PARVB: variants seen among roughly 807,000 people sequenced by gnomAD.
PARVB encodes the protein beta-parvin.
Under a neutral mutation model 47.0 loss-of-function variants are expected in PARVB, and 46 were observed. The observed-to-expected ratio is 0.98, with a 90% confidence interval of 0.77 to 1.25. PARVB has a LOEUF of 1.25. Among genes scored for constraint, PARVB ranks in the 50% most tolerant of loss-of-function variants. The probability of loss-of-function intolerance (pLI) is 0.00; values close to 1 mark genes in which losing one functional copy is unlikely to be tolerated. For synonymous variants in PARVB, 196 were observed against 196.3 expected (o/e 1.00, Z 0.01); for missense variants, 473 against 471.6 (o/e 1.00, Z -0.03).
upstream of PARVB, among the ~76,000 whole-genome samples, chr22:44,023,839 G>A (rs1160749367): frequency 1.3e-5 from 2 of 152,184 alleles, no homozygotes. Flanking sequence ...CCTGTGCCCC[G>A]CATTGCCCTC....
intron 10 of PARVB, among the ~76,000 whole-genome samples, chr22:44,154,029 TG>T (rs1343546870): frequency 6.6e-6 from 1 of 152,180 alleles, no homozygotes; most frequent in East Asian, 1.9e-4. Context: ...ATTTGCTGTG[TG>T]GGGGCCCCTG....
chr22:44,035,368 CTTTTTTTTT>C (rs57745730), intron 1 of PARVB, among the ~76,000 whole-genome samples: 3 of 118,040 alleles, frequency 2.5e-5, no homozygotes, highest in Middle Eastern at 4.8e-3. Context: ...TTTCTTTTTC[CTTTTTTTTT>C]TTTTTTTTTT....
Position 44,078,544 on chromosome 22 carries a change from C to T in PARVB, c.113-15384C>T, listed in dbSNP as rs531320594. 1.2e-4 allele frequency among the ~76,000 whole-genome samples: 19 copies of T among 152,260 alleles called. 1 individual carries two copies. The South Asian group carries it at 2.9e-3, about 23-fold the overall frequency. The stretch of plus-strand genomic sequence containing the variant: ...CTTGTAAGGACCCTGTCAATCACAT[C>T]GGGCCCCCTGAATAACCAGGCTAAT... On this transcript the variant is annotated intron_variant, in intron 1 of 12. Transcript: ENST00000338758.
At chr22:44,093,855 G>A (rs1032127782) in intron 1 of PARVB, 73 bp from the exon 2 acceptor site, 34 of 856,312 alleles carry the variant, frequency 4.0e-5, no homozygotes, top group African/African-American at 2.7e-4. Flanking sequence ...TTCTCTCTGC[G>A]TCCACAGCCA....
Position 44,170,133 on chromosome 22 carries a change from G to A in PARVB, c.*1455G>A, listed in dbSNP as rs907165288. The A allele has an allele frequency of 1.4e-5, 2 of 139,144 alleles. No individual in the cohort carries two copies. Among genetic ancestry groups the A allele is most frequent in the Admixed American group, 6.8e-5 (1 of 14,654 alleles). The allele number at this position is 139,144 out of a possible 1,614,324, so 8.6% of individuals were successfully genotyped here. A position where few individuals can be genotyped will look rare whatever the true frequency, so the allele number is the denominator to read the frequency against. Reference sequence around the variant, plus strand: ...CTCCCACCTCAGCCTCCCAAGTAGCGGGGACCACAAGTGCACACCACTAGG... The same window carrying A: ...CTCCCACCTCAGCCTCCCAAGTAGCAGGGACCACAAGTGCACACCACTAGG... On this transcript the variant is annotated 3_prime_UTR_variant, in exon 13 of 13. Transcript: ENST00000338758.
chr22:44,161,330 C>T (rs946650062), intron 11 of PARVB, among the ~76,000 whole-genome samples: 2 of 120,004 alleles, frequency 1.7e-5, no homozygotes, highest in Non-Finnish European at 3.4e-5. Context: ...TTTTTGGAGG[C>T]GGGGAAGGAA....
At chr22:44,041,747 G>A (rs545940760) in intron 1 of PARVB, among the ~76,000 whole-genome samples, 4 of 152,134 alleles carry the variant, frequency 2.6e-5, no homozygotes, top group East Asian at 1.9e-4. Context: ...ATAGCCAGGC[G>A]TGGTGGCCCA....
At chr22:44,011,675 G>A (rs543630499) in intron 2 of PARVB, among the ~76,000 whole-genome samples, 5 of 152,136 alleles carry the variant, frequency 3.3e-5, no homozygotes, top group African/African-American at 1.2e-4. Context: ...TTGCATCAGA[G>A]TCTGTCTGGC....
At chr22:44,017,241 A>G (rs2050593261) in intron 2 of PARVB, among the ~76,000 whole-genome samples, 1 of 152,328 alleles carries the variant, frequency 6.6e-6, no homozygotes, top group Non-Finnish European at 1.5e-5. Context: ...ATAGTGTTAA[A>G]TAAGAAATAA....
rs1339111156 is a variant in PARVB at position 44,172,661 on chromosome 22, A to G, written c.*3983A>G. 4.1e-6 allele frequency: 1 copy of G among 243,650 alleles called. No individual in the cohort carries two copies. The highest frequency in any genetic ancestry group is 2.4e-5 in the African/African-American group (1 of 42,306). 15.1% of individuals were successfully genotyped at this position (243,650 alleles called of 1,614,324 possible). A position where few individuals can be genotyped will look rare whatever the true frequency, so the allele number is the denominator to read the frequency against. On this transcript the variant is annotated 3_prime_UTR_variant, in exon 13 of 13. Coordinates refer to ENST00000338758, the MANE Select transcript of PARVB (RefSeq NM_013327.5). ...ACAAAGAGCAATTTTATTTTAAAGC[A>G]ACTGAATCCTTTCCCCCTGTTTTGT...
At chr22:44,045,629 TA>T (rs2051100108) in intron 1 of PARVB, among the ~76,000 whole-genome samples, 1 of 152,250 alleles carries the variant, frequency 6.6e-6, no homozygotes, top group African/African-American at 2.4e-5. Context: ...CACATGGCAC[TA>T]GTGGGCTGGG....
In PARVB at chr22:44,043,402, G is replaced by A. The variant is rs1222261049; in HGVS notation, c.112+18951G>A. 2.0e-5 allele frequency among the ~76,000 whole-genome samples: 3 copies of A among 151,912 alleles called. No individual in the cohort carries two copies. The South Asian group carries it at 6.2e-4, about 32-fold the overall frequency. ...TTTATTTATTTATTTATTTTGAGAC[G>A]GAGTCTTGCTCTGTCGCCCATGCTG... On this transcript the variant is annotated intron_variant, in intron 1 of 12. Transcript: ENST00000338758.
chr22:44,019,066 G>A (rs2050615879), intron 2 of PARVB, among the ~76,000 whole-genome samples: 1 of 149,944 alleles, frequency 6.7e-6, no homozygotes, highest in Non-Finnish European at 1.5e-5. Flanking sequence ...ATAGGCGCCT[G>A]CCACCATACC....
Position 44,147,930 on chromosome 22 carries a change from A to C in PARVB, c.774+8A>C. ...CTCAGCGTGGTGAAGAAGGTGAGCT[A>C]TTGGTGGGATGTTGGATGTGCTCTC... is the stretch of plus-strand genomic sequence containing the variant. On this transcript the variant is annotated splice_region_variant and intron_variant, in intron 9 of 12. Transcript: ENST00000338758. 1 of 1,612,924 alleles carries C rather than the reference A, an allele frequency of 6.2e-7. No individual in the cohort carries two copies. Among genetic ancestry groups the C allele is most frequent in the Non-Finnish European group, 8.5e-7 (1 of 1,179,108 alleles).
chr22:44,023,537 C>CAAAACAAAAAT (rs1416034853), upstream of PARVB, among the ~76,000 whole-genome samples: 1 of 127,300 alleles, frequency 7.9e-6, no homozygotes, highest in African/African-American at 3.0e-5. Flanking sequence ...TAAAACAAAA[C>CAAAACAAAAAT]AAAATAAAAT....
At chr22:44,159,055 G>T (rs1304761711) in intron 11 of PARVB, among the ~76,000 whole-genome samples, 2 of 152,074 alleles carry the variant, frequency 1.3e-5, no homozygotes, top group African/African-American at 4.8e-5. Flanking sequence ...TGGAGTCCAT[G>T]TTGAATCGAG....
At chr22:44,147,578 T>C (rs1366029393) in intron 8 of PARVB, 6 of 573,460 alleles carry the variant, frequency 1.0e-5, no homozygotes, top group Non-Finnish European at 2.0e-5. Flanking sequence ...ATGCCATCTA[T>C]GTGTTTCATA....
intron 1 of PARVB, among the ~76,000 whole-genome samples, chr22:44,064,186 C>T (rs149536395): frequency 0.014 from 2,106 of 152,268 alleles, 21 homozygotes; most frequent in African/African-American, 0.036. Flanking sequence ...TCCTTCCTGC[C>T]GAGACCACCA....
chr22:44,069,241 C>A, intron 1 of PARVB: 1 of 1,347,340 alleles, frequency 7.4e-7, no homozygotes, highest in Admixed American at 1.7e-5. Context: ...TGCTTTATGG[C>A]AGAATTTTGT....
Sources: gnomAD v4.1 joint callset for allele counts (sites outside exome capture counted in the v4.1 genomes callset) on GRCh38, gnomAD v4.1.1 for gene constraint, MANE v1.5 for transcripts, NCBI Gene and HGNC (gene_info 2026-07-23, HGNC 2026-07-21) for gene names.